The following FBRSL1 variants were observed in gnomAD, a reference collection of about 807,000 sequenced individuals.
FBRSL1 encodes the protein fibrosin-1-like protein.
FBRSL1 carries 51 observed loss-of-function variants against 89.6 expected under a neutral mutation model. The observed-to-expected ratio is 0.57, with a 90% CI of 0.45 to 0.72. FBRSL1 has a LOEUF of 0.72. Ranked by LOEUF, FBRSL1 falls within the 30% of genes least tolerant of loss-of-function variation. The pLI is 0.00. For synonymous variants in FBRSL1, 779 were observed against 681.1 expected, an observed-to-expected ratio of 1.14 and a Z score of -2.24; for missense variants, 1,618 against 1,451.8, an observed-to-expected ratio of 1.11 and a Z score of -1.86.
At chr12:132,558,010 G>A (rs1162821762) in intron 5 of FBRSL1, among the ~76,000 whole-genome samples, 1 of 151,864 alleles carries the variant, frequency 6.6e-6, no homozygotes, top group Non-Finnish European at 1.5e-5. Flanking sequence ...TTCTGCCTGA[G>A]TCTGTCTTCT....
rs868734348 is a variant in FBRSL1 at position 132,574,135 on chromosome 12, A to T, written c.1576A>T (p.Thr526Ser). 21 of 1,395,674 alleles carry T rather than the reference A, an allele frequency of 1.5e-5. No homozygotes were observed. The highest frequency in any genetic ancestry group is 2.6e-4 in the Middle Eastern group (1 of 3,784). The allele number at this position is 1,395,674 out of a possible 1,614,324, so 86.5% of individuals were successfully genotyped here. A position where few individuals can be genotyped will look rare whatever the true frequency, so the allele number is the denominator to read the frequency against. Residue 526 changes from threonine (T) to serine (S), a missense_variant, in exon 12 of 19, where the codon ACA becomes TCA. Coordinates refer to ENST00000680143, the MANE Select transcript of FBRSL1 (RefSeq NM_001367871.1). ...GGCCCGCCGGGCTGGTGCGGTTCAC[A>T]CACTCCTGCAGAAAGCGCCTGGGGT... Reference protein sequence around the residue: ...EVARRAGAVHTLLQKAPGVSD... With the variant: ...EVARRAGAVHSLLQKAPGVSD...
chr12:132,580,569 G>C (rs1008965819), intron 15 of FBRSL1, among the ~76,000 whole-genome samples: 10 of 152,166 alleles, frequency 6.6e-5, no homozygotes, highest in African/African-American at 2.4e-4. Context: ...TCCTGCACAC[G>C]CTTTGACAAG....
chr12:132,503,116 C>G (rs1239150042), intron 1 of FBRSL1, among the ~76,000 whole-genome samples: 1 of 150,306 alleles, frequency 6.7e-6, no homozygotes, highest in Non-Finnish European at 1.5e-5. Flanking sequence ...GCCTCCCACC[C>G]CACCCCCCAG....
At chr12:132,549,116 G>A (rs1593443549) in intron 5 of FBRSL1, among the ~76,000 whole-genome samples, 1 of 152,160 alleles carries the variant, frequency 6.6e-6, no homozygotes. Context: ...AGTTTTCGAC[G>A]TACCAAGAAG....
chr12:132,536,928 T>C (rs1008324379), intron 4 of FBRSL1, among the ~76,000 whole-genome samples: 1 of 152,248 alleles, frequency 6.6e-6, no homozygotes, highest in Non-Finnish European at 1.5e-5. Context: ...TGCATGTATA[T>C]GTGATCATGT....
In FBRSL1 at chr12:132,583,823, C is replaced by T. The variant is rs931446171; in HGVS notation, c.*45C>T. On this transcript the variant is annotated 3_prime_UTR_variant, in exon 19 of 19. Coordinates refer to ENST00000680143, the MANE Select transcript of FBRSL1 (RefSeq NM_001367871.1). The stretch of plus-strand genomic sequence containing the variant: ...TCTCCGAGCGGAGCGCACCGCTGTC[C>T]GTCTCTCCATCAGTTCCTAGAACTC... 48 of 1,102,086 alleles carry T rather than the reference C, an allele frequency of 4.4e-5. No individual in the cohort carries two copies. In the East Asian group the frequency reaches 8.2e-4, roughly 19 times the overall value. 68.3% of individuals were successfully genotyped at this position (1,102,086 alleles called of 1,614,324 possible). A position where few individuals can be genotyped will look rare whatever the true frequency, so the allele number is the denominator to read the frequency against.
chr12:132,517,893 G>T (rs2034989594), intron 2 of FBRSL1, among the ~76,000 whole-genome samples: 1 of 152,136 alleles, frequency 6.6e-6, no homozygotes, highest in South Asian at 2.1e-4. Context: ...GGGTGGCAGT[G>T]GCTTGAATTA....
At chr12:132,534,504 C>CCCTGT (rs1434491180) in intron 4 of FBRSL1, among the ~76,000 whole-genome samples, 1 of 152,246 alleles carries the variant, frequency 6.6e-6, no homozygotes, top group East Asian at 1.9e-4. Flanking sequence ...TTGGTCCCCT[C>CCCTGT]CCTGTCCACC....
intron 2 of FBRSL1, among the ~76,000 whole-genome samples, chr12:132,523,303 C>G (rs935280542): frequency 6.6e-6 from 1 of 152,158 alleles, no homozygotes; most frequent in Non-Finnish European, 1.5e-5. Context: ...CCCAGTTCTA[C>G]AGGGTTTTTC....
intron 9 of FBRSL1, 21 bp from the exon 10 acceptor site, chr12:132,572,263 TCACC>T: frequency 6.5e-7 from 1 of 1,549,704 alleles, no homozygotes; most frequent in Non-Finnish European, 8.7e-7. Context: ...GTGCGGGGCC[TCACC>T]CTCCTCTCCT....
intron 1 of FBRSL1, among the ~76,000 whole-genome samples, chr12:132,492,611 A>G (rs2031235081): frequency 2.0e-5 from 3 of 152,368 alleles, no homozygotes; most frequent in Admixed American, 6.5e-5. Flanking sequence ...TTTTGCCCGC[A>G]GCGGCTCTGA....
At chr12:132,577,558 C>T (rs2040457336) in intron 15 of FBRSL1, among the ~76,000 whole-genome samples, 1 of 152,038 alleles carries the variant, frequency 6.6e-6, no homozygotes, top group Non-Finnish European at 1.5e-5. Flanking sequence ...TCCTCAGTAG[C>T]ACGGCCCAGG....
intron 2 of FBRSL1, chr12:132,510,384 T>C: frequency 8.1e-7 from 1 of 1,231,742 alleles, no homozygotes; most frequent in Non-Finnish European, 1.0e-6. Context: ...GCGGTCCCGG[T>C]GGACCCGATC....
intron 4 of FBRSL1, among the ~76,000 whole-genome samples, chr12:132,529,177 G>A (rs4883564): frequency 0.059 from 9,020 of 152,274 alleles, 386 homozygotes; most frequent in African/African-American, 0.12. Context: ...TTTCCAGGCC[G>A]TAGAGGCTCC....
intron 2 of FBRSL1, among the ~76,000 whole-genome samples, chr12:132,513,249 A>G (rs374348833): frequency 2.5e-4 from 38 of 152,288 alleles, no homozygotes; most frequent in African/African-American, 8.2e-4. Context: ...CTCCCATCAC[A>G]GGCAGCAGAT....
chr12:132,532,616 C>A (rs148922739), intron 4 of FBRSL1, among the ~76,000 whole-genome samples: 1 of 151,384 alleles, frequency 6.6e-6, no homozygotes, highest in African/African-American at 2.4e-5. Flanking sequence ...GTGTGCTGAG[C>A]GTGTCCATGG....
At chr12:132,493,412 G>T (rs1022907430) in intron 1 of FBRSL1, among the ~76,000 whole-genome samples, 1 of 152,220 alleles carries the variant, frequency 6.6e-6, no homozygotes, top group Admixed American at 6.5e-5. Context: ...CCAAACACAG[G>T]TGTAGACTTG....
intron 1 of FBRSL1, among the ~76,000 whole-genome samples, chr12:132,506,521 C>T (rs1359453370): frequency 6.6e-6 from 1 of 152,246 alleles, no homozygotes; most frequent in African/African-American, 2.4e-5. Flanking sequence ...CCCTGCGTGG[C>T]AGGCTGCCCT....
intron 5 of FBRSL1, chr12:132,553,708 G>C (rs1052902981): frequency 3.7e-4 from 57 of 152,366 alleles, no homozygotes; most frequent in African/African-American, 1.4e-3. Context: ...AGCAGAAGCG[G>C]GGCCTGGCTG....
Sources: allele counts gnomAD v4.1 joint callset (sites outside exome capture counted in the v4.1 genomes callset), GRCh38; gene constraint gnomAD v4.1.1; transcripts MANE v1.5; gene names NCBI Gene and HGNC (gene_info 2026-07-23, HGNC 2026-07-21).